Variants in SLC4A10 observed in about 807,000 individuals in gnomAD.
SLC4A10 encodes solute carrier family 4 member 10, also known as sodium-driven chloride bicarbonate exchanger.
Under a neutral mutation model 137.7 loss-of-function variants are expected in SLC4A10, and 42 were observed. The observed-to-expected ratio is 0.30, with a 90% CI of 0.24 to 0.39. SLC4A10 has a LOEUF of 0.39. Among genes scored for constraint, SLC4A10 ranks in the 10% least tolerant of loss-of-function variants. SLC4A10 has a pLI of 1.00. For synonymous variants in SLC4A10, 474 were observed against 464.1 expected, an observed-to-expected ratio of 1.02 and a Z score of -0.27; for missense variants, 925 against 1,355.0, an observed-to-expected ratio of 0.68 and a Z score of 4.98.
At chr2:161,690,068 A>G (rs2041828309) in intron 1 of SLC4A10, among the ~76,000 whole-genome samples, 1 of 152,236 alleles carries the variant, frequency 6.6e-6, no homozygotes, top group South Asian at 2.1e-4. Context: ...AAGGTCTAAT[A>G]TACAGAATCT....
intron 5 of SLC4A10, among the ~76,000 whole-genome samples, chr2:161,860,955 T>G (rs79394549): frequency 1.3e-5 from 2 of 152,222 alleles, no homozygotes; most frequent in Admixed American, 6.5e-5. Context: ...GTGAATATTA[T>G]ATGAAATTCA....
chr2:161,759,894 T>TA (rs766030825), intron 1 of SLC4A10, among the ~76,000 whole-genome samples: 27 of 152,012 alleles, frequency 1.8e-4, no homozygotes, highest in Non-Finnish European at 3.4e-4. Flanking sequence ...GGCATATACT[T>TA]CTAGAGTAAC....
At chr2:161,717,905 G>C (rs187691661) in intron 1 of SLC4A10, among the ~76,000 whole-genome samples, 4 of 152,148 alleles carry the variant, frequency 2.6e-5, no homozygotes, top group Non-Finnish European at 4.4e-5. Flanking sequence ...GAATTCAGCT[G>C]TAAATTCATC....
Position 161,682,129 on chromosome 2 carries a change from C to A in SLC4A10, c.48+57563C>A, listed in dbSNP as rs899189126. On this transcript the variant is annotated intron_variant, in intron 1 of 26. Transcript: ENST00000446997. ...AATGTATTTTATAAAATACCAGTCC[C>A]ACCAAATACTTTTTGGGAAAAGGAT... is the stretch of plus-strand genomic sequence containing the variant. Among the ~76,000 whole-genome samples, 64 of 152,104 alleles carry A rather than the reference C, an allele frequency of 4.2e-4. 1 individual carries two copies. The highest frequency in any genetic ancestry group is 4.6e-4 in the Admixed American group (7 of 15,240).
intron 21 of SLC4A10, among the ~76,000 whole-genome samples, chr2:161,960,629 A>G (rs117090465): frequency 0.013 from 1,986 of 151,880 alleles, 39 homozygotes; most frequent in East Asian, 0.098. Flanking sequence ...TTGAGATAGA[A>G]GAATTACTTG....
chr2:161,948,164 G>C (rs759203322), intron 17 of SLC4A10, among the ~76,000 whole-genome samples: 2 of 151,888 alleles, frequency 1.3e-5, no homozygotes, highest in African/African-American at 4.8e-5. Flanking sequence ...AACCCACCAC[G>C]TTTGCATCTG....
chr2:161,946,152 A>G (rs1693761920), intron 16 of SLC4A10, among the ~76,000 whole-genome samples: 1 of 152,052 alleles, frequency 6.6e-6, no homozygotes, highest in Non-Finnish European at 1.5e-5. Flanking sequence ...TTTTTCAATT[A>G]GCCAAGTTGC....
chr2:161,900,029 G>C (rs774676303), intron 11 of SLC4A10, among the ~76,000 whole-genome samples: 2 of 151,922 alleles, frequency 1.3e-5, no homozygotes, highest in African/African-American at 2.4e-5. Context: ...TTCTATTTTG[G>C]AATGGTGGTC....
chr2:161,798,054 C>T (rs2054971338), intron 2 of SLC4A10, among the ~76,000 whole-genome samples: 1 of 151,930 alleles, frequency 6.6e-6, no homozygotes, highest in Admixed American at 6.6e-5. Flanking sequence ...CTAGTAATAC[C>T]TCTTTGCTAT....
chr2:161,962,371 C>T (rs1575869031), intron 21 of SLC4A10, among the ~76,000 whole-genome samples: 1 of 152,160 alleles, frequency 6.6e-6, no homozygotes, highest in Non-Finnish European at 1.5e-5. Context: ...TATGCAATAA[C>T]ATAGCTTCAC....
intron 1 of SLC4A10, among the ~76,000 whole-genome samples, chr2:161,687,491 T>C (rs1482452415): frequency 6.6e-6 from 1 of 152,228 alleles, no homozygotes; most frequent in East Asian, 1.9e-4. Context: ...ATGTTTTTCA[T>C]TTTAATTGAC....
chr2:161,726,793 C>T (rs2046274868), intron 1 of SLC4A10, among the ~76,000 whole-genome samples: 1 of 152,156 alleles, frequency 6.6e-6, no homozygotes, highest in Non-Finnish European at 1.5e-5. Context: ...CCTGTAATCC[C>T]AGTTACTTGG....
chr2:161,737,225 G>A (rs2047434053), intron 1 of SLC4A10, among the ~76,000 whole-genome samples: 1 of 152,084 alleles, frequency 6.6e-6, no homozygotes, highest in African/African-American at 2.4e-5. Context: ...AATGTTAGAA[G>A]GGTGTACTTT....
chr2:161,799,563 C>G (rs907869612), intron 2 of SLC4A10, among the ~76,000 whole-genome samples: 2 of 151,824 alleles, frequency 1.3e-5, no homozygotes, highest in African/African-American at 4.8e-5. Context: ...AATATCATTC[C>G]TTCTTCTTAT....
At chr2:161,632,682 G>A (rs895415093) in intron 1 of SLC4A10, among the ~76,000 whole-genome samples, 1 of 151,334 alleles carries the variant, frequency 6.6e-6, no homozygotes, top group Non-Finnish European at 1.5e-5. Context: ...AGGAGGGCTA[G>A]TTAAAAATTC....
rs758693082 is a variant in SLC4A10 at position 161,947,674 on chromosome 2, A to G, written c.2212A>G (p.Thr738Ala). 1 of 1,613,178 alleles carries G rather than the reference A, an allele frequency of 6.2e-7. No homozygotes were observed. Among genetic ancestry groups the G allele is most frequent in the Non-Finnish European group, 8.5e-7 (1 of 1,179,376 alleles). The change falls in exon 17 of 27, where the codon ACT (threonine) becomes GCT (alanine). Residue 738 changes from threonine (T) to alanine (A), a missense_variant. Thr to Ala is a moderately conservative substitution (Grantham distance 58). Transcript: ENST00000446997. ...WSVILFFSTVTLSATLKQFKT... is the reference protein window; with the variant it reads ...WSVILFFSTVALSATLKQFKT... ...TGTGATCCTGTTCTTTTCCACAGTT[A>G]CTCTGTCAGCCACCCTGAAGCAGTT...
In SLC4A10 at chr2:161,698,606, C is replaced by T. The variant is rs529050964; in HGVS notation, c.49-72367C>T. On this transcript the variant is annotated intron_variant, in intron 1 of 26. Coordinates refer to ENST00000446997, the MANE Select transcript of SLC4A10 (RefSeq NM_001178015.2). ...TTGGTTCTGTTTATATGCTGGATTACGTTTACTGATTTGTGTATATTGAAC... is the reference window on the plus strand; with the variant it reads ...TTGGTTCTGTTTATATGCTGGATTATGTTTACTGATTTGTGTATATTGAAC... 8.5e-5 allele frequency among the ~76,000 whole-genome samples: 13 copies of T among 152,240 alleles called. No individual in the cohort carries two copies. In the East Asian group the frequency reaches 2.1e-3, roughly 25 times the overall value.
At chr2:161,737,565 G>A (rs1459009303) in intron 1 of SLC4A10, among the ~76,000 whole-genome samples, 3 of 151,806 alleles carry the variant, frequency 2.0e-5, no homozygotes, top group Admixed American at 6.6e-5. Context: ...AATCTTTTTA[G>A]AAGCTTTTCT....
rs552936319 is a variant in SLC4A10, at chr2:161,705,583, A to C, written c.49-65390A>C. Among the ~76,000 whole-genome samples, 6 of 151,730 alleles carry C rather than the reference A, an allele frequency of 4.0e-5. 2 individuals carry two copies. In the South Asian group the frequency reaches 1.2e-3, roughly 31 times the overall value. The stretch of plus-strand genomic sequence containing the variant: ...AAGTTCATATGTTGAAAATGTAATC[A>C]CCAATATAAGGGCATTAGGTGAGAC... On this transcript the variant is annotated intron_variant, in intron 1 of 26. Coordinates refer to ENST00000446997, the MANE Select transcript of SLC4A10 (RefSeq NM_001178015.2).
Sources: gnomAD v4.1 joint callset for allele counts (sites outside exome capture counted in the v4.1 genomes callset) on GRCh38, gnomAD v4.1.1 for gene constraint, MANE v1.5 for transcripts, NCBI Gene and HGNC (gene_info 2026-07-23, HGNC 2026-07-21) for gene names.